Variants in PTPA observed in about 807,000 individuals in gnomAD.
The protein encoded by PTPA is serine/threonine-protein phosphatase 2A activator.
Under a neutral mutation model 43.6 loss-of-function variants are expected in PTPA, and 13 were observed. The ratio of observed to expected loss-of-function variants is 0.30; its 90% confidence interval spans 0.19 to 0.47. The LOEUF (loss-of-function observed/expected upper bound fraction) is 0.47, where lower values mean the gene tolerates loss of function less well. PTPA is among the 20% of genes least tolerant of loss of function. The pLI is 0.99. For missense variants in PTPA, 329 were observed against 411.9 expected (o/e 0.80, Z 1.74); for synonymous variants, 172 against 158.2 (o/e 1.09, Z -0.66).
At chr9:129,140,310 T>TC (rs1491471868) in intron 8 of PTPA, among the ~76,000 whole-genome samples, 1 of 152,166 alleles carries the variant, frequency 6.6e-6, no homozygotes, top group African/African-American at 2.4e-5. Flanking sequence ...GATTCCTTTT[T>TC]CTCCCACTCG....
chr9:129,134,881 A>G lies in PTPA; in HGVS notation c.547A>G (p.Lys183Glu), dbSNP rs757042180. ...GGATGACCAAATAGCTATTGTCTTCAAGGTGTTCAATCGGTGAGAGAAAGG... is the reference window on the plus strand; with the variant it reads ...GGATGACCAAATAGCTATTGTCTTCGAGGTGTTCAATCGGTGAGAGAAAGG... Reference protein sequence around the residue: ...RVDDQIAIVFKVFNRYLEVMR... With the variant: ...RVDDQIAIVFEVFNRYLEVMR... Residue 183 changes from lysine (K) to glutamate (E), a missense_variant, in exon 6 of 10, where the codon AAG becomes GAG. Coordinates refer to ENST00000393370, the MANE Select transcript of PTPA (RefSeq NM_178000.3). 4.3e-6 allele frequency: 7 copies of G among 1,613,082 alleles called. No individual in the cohort carries two copies. Among genetic ancestry groups the G allele is most frequent in the Non-Finnish European group, 5.9e-6 (7 of 1,179,456 alleles).
In PTPA at chr9:129,131,509, C is replaced by G. The variant is rs1449151640; in HGVS notation, c.343-13C>G. The G allele has an allele frequency of 4.3e-6, 7 of 1,611,846 alleles. No homozygotes were observed. The African/African-American group carries it at 5.3e-5, about 12-fold the overall frequency. ...AATATGCTGCCACCACTTTGTGTCT[C>G]TTGTGTTACCAGGAAGCAGAAAACT... is the stretch of plus-strand genomic sequence containing the variant. On this transcript the variant is annotated splice_polypyrimidine_tract_variant and intron_variant, in intron 4 of 9. Coordinates refer to ENST00000393370, the MANE Select transcript of PTPA (RefSeq NM_178000.3).
rs554653074 is a variant in PTPA, at chr9:129,129,889, T to C, written c.342+779T>C. 7.2e-5 allele frequency among the ~76,000 whole-genome samples: 11 copies of C among 152,196 alleles called. No homozygotes were observed. In the South Asian group the frequency reaches 2.3e-3, roughly 32 times the overall value. Reference sequence around the variant, plus strand: ...GAGTTTGTGAGTAGGTTGGGCAACATAGCAAGACCCCGTTACTGCAAAAAA... The same window carrying C: ...GAGTTTGTGAGTAGGTTGGGCAACACAGCAAGACCCCGTTACTGCAAAAAA... On this transcript the variant is annotated intron_variant, in intron 4 of 9. Coordinates refer to ENST00000393370, the MANE Select transcript of PTPA (RefSeq NM_178000.3).
At chr9:129,144,346 T>G in intron 9 of PTPA, among the ~76,000 whole-genome samples, 1 of 151,708 alleles carries the variant, frequency 6.6e-6, no homozygotes, top group Non-Finnish European at 1.5e-5. Flanking sequence ...TCTCTAGTAA[T>G]CTGAAAAAGG....
chr9:129,145,728 G>A (rs1819381), intron 9 of PTPA, among the ~76,000 whole-genome samples: 89,707 of 151,882 alleles, frequency 0.59, 28,561 homozygotes, highest in Non-Finnish European at 0.7. Context: ...GCGGGGCGGC[G>A]GGGGGGAGGG....
intron 9 of PTPA, chr9:129,143,638 G>C: frequency 3.6e-6 from 2 of 559,404 alleles, no homozygotes; most frequent in Non-Finnish European, 6.4e-6. Context: ...AACAGACCGG[G>C]CCCTCACTCC....
intron 1 of PTPA, among the ~76,000 whole-genome samples, chr9:129,114,243 G>A (rs1015116142): frequency 4.6e-5 from 7 of 152,128 alleles, no homozygotes; most frequent in East Asian, 3.9e-4. Context: ...GGCTGGTCTC[G>A]AACTCCTGGC....
chr9:129,130,198 G>A (rs1328125474), intron 4 of PTPA, among the ~76,000 whole-genome samples: 2 of 152,140 alleles, frequency 1.3e-5, no homozygotes, highest in Non-Finnish European at 2.9e-5. Flanking sequence ...GAGTCTACAG[G>A]TCTGGGTAGG....
At chr9:129,143,092 C>A in intron 9 of PTPA, 1 of 679,414 alleles carries the variant, frequency 1.5e-6, no homozygotes, top group Non-Finnish European at 2.4e-6. Flanking sequence ...AAATCAGATG[C>A]TGAGGAGAGG....
At chr9:129,136,441 T>C in intron 6 of PTPA, 30 bp from the exon 7 acceptor site, 1 of 1,589,998 alleles carries the variant, frequency 6.3e-7, no homozygotes, top group Non-Finnish European at 8.6e-7. Flanking sequence ...TACTTTTTGC[T>C]ACCTTCCCTT....
chr9:129,130,120 G>A (rs988034507), intron 4 of PTPA, among the ~76,000 whole-genome samples: 25 of 152,110 alleles, frequency 1.6e-4, no homozygotes, highest in Admixed American at 1.6e-3. Flanking sequence ...TGAATCTTAC[G>A]AAGGTGTTAC....
At chr9:129,144,598 G>A (rs1168162096) in intron 9 of PTPA, among the ~76,000 whole-genome samples, 1 of 151,972 alleles carries the variant, frequency 6.6e-6, no homozygotes, top group South Asian at 2.1e-4. Context: ...AATTAGCCGG[G>A]CGTGGTGGCG....
intron 9 of PTPA, among the ~76,000 whole-genome samples, chr9:129,146,821 C>G (rs915163953): frequency 5.9e-5 from 9 of 152,198 alleles, no homozygotes; most frequent in Non-Finnish European, 8.8e-5. Flanking sequence ...CAGCCATTCC[C>G]CTGTTCAGCG....
chr9:129,122,975 TG>T, intron 2 of PTPA, 76 bp from the exon 3 acceptor site: 2 of 1,127,118 alleles, frequency 1.8e-6, no homozygotes, highest in Non-Finnish European at 2.6e-6. Context: ...TTTGGTAACC[TG>T]GTGGAGCTCG....
Position 129,121,988 on chromosome 9 carries a change from C to T in PTPA, c.130-1064C>T, listed in dbSNP as rs549849396. Among the ~76,000 whole-genome samples the T allele has an allele frequency of 2.4e-4, 37 of 152,082 alleles. 1 individual carries two copies. Among genetic ancestry groups the T allele is most frequent in the Admixed American group, 2.4e-3 (37 of 15,248 alleles). ...TTGTCTCAGGGCTTACTGTGGACAC[C>T]CCGGCTTGGATAAGGAGAAAGGAAG... On this transcript the variant is annotated intron_variant, in intron 2 of 9. Coordinates refer to ENST00000393370, the MANE Select transcript of PTPA (RefSeq NM_178000.3).
chr9:129,132,203 GCCTGTAATCCT>G lies in PTPA; in HGVS notation c.460+565_460+575del, dbSNP rs1246827427. ...AGTGTAGACAGGTGCAGTGGTGCGT[GCCTGTAATCCT>G]AGCACTTTTGGAGGCTGAGGGGGAG... On this transcript the variant is annotated intron_variant, in intron 5 of 9. Coordinates refer to ENST00000393370, the MANE Select transcript of PTPA (RefSeq NM_178000.3). 3.9e-5 allele frequency among the ~76,000 whole-genome samples: 6 copies of G among 152,214 alleles called. 1 individual carries two copies. The East Asian group carries it at 1.2e-3, about 29-fold the overall frequency.
intron 9 of PTPA, among the ~76,000 whole-genome samples, chr9:129,145,429 T>C (rs945397831): frequency 1.1e-4 from 16 of 152,084 alleles, no homozygotes; most frequent in African/African-American, 3.1e-4. Context: ...GAAGGGCCCA[T>C]GGGCTGGCAT....
rs1177033337 is a variant in PTPA, at chr9:129,111,623, C to T, written c.23C>T (p.Pro8Leu). The change falls in exon 1 of 10, where the codon CCG becomes CTG. Residue 8 changes from proline (P) to leucine (L), a missense_variant. Physicochemically the swap from Pro to Leu is moderately conservative, Grantham distance 98 (BLOSUM62 -3). Coordinates refer to ENST00000393370, the MANE Select transcript of PTPA (RefSeq NM_178000.3). MAEGERQPPPDSSEEAPP... is the reference protein window; with the variant it reads MAEGERQLPPDSSEEAPP... ...AAGATGGCTGAGGGCGAGCGGCAGC[C>T]GCCGCCAGGTAAGGCCGGCGGGGCC... is the stretch of plus-strand genomic sequence containing the variant. 9 of 1,272,502 alleles carry T rather than the reference C, an allele frequency of 7.1e-6. No homozygotes were observed. The Admixed American group carries it at 1.3e-4, about 18-fold the overall frequency. The allele number at this position is 1,272,502 out of a possible 1,614,324, so 78.8% of individuals were successfully genotyped here.
Position 129,129,808 on chromosome 9 carries a change from A to G in PTPA, c.342+698A>G, listed in dbSNP as rs1286217272. 3.9e-5 allele frequency among the ~76,000 whole-genome samples: 6 copies of G among 152,122 alleles called. No homozygotes were observed. The East Asian group carries it at 9.6e-4, about 24-fold the overall frequency. ...TTTTCATAGCTGGGCACGGTGGCTC[A>G]TACATGTAATCTCAGAATTCGGGGA... On this transcript the variant is annotated intron_variant, in intron 4 of 9. Coordinates refer to ENST00000393370, the MANE Select transcript of PTPA (RefSeq NM_178000.3).
Sources: gnomAD v4.1 joint callset for allele counts (sites outside exome capture counted in the v4.1 genomes callset) on GRCh38, gnomAD v4.1.1 for gene constraint, MANE v1.5 for transcripts, NCBI Gene and HGNC (gene_info 2026-07-23, HGNC 2026-07-21) for gene names.